The following N4BP2L2 variants were observed in gnomAD, a reference collection of about 807,000 sequenced individuals.
N4BP2L2 encodes the protein NEDD4-binding protein 2-like 2.
In N4BP2L2, 50 loss-of-function variants were observed where a neutral mutation model predicts 56.2. The observed-to-expected ratio is 0.89, with a 90% CI of 0.71 to 1.13. The LOEUF is 1.13. N4BP2L2 is among the 50% of genes most tolerant of loss of function. The pLI, the probability that N4BP2L2 is intolerant of heterozygous loss-of-function variation, is 0.00. For missense variants in N4BP2L2, 689 were observed against 693.8 expected (o/e 0.99, Z 0.08); for synonymous variants, 203 against 223.6 (o/e 0.91, Z 0.82).
exon 6 of N4BP2L2, chr13:32,510,424 A>T (rs2091600599): frequency 6.6e-6 from 1 of 152,154 alleles, no homozygotes; most frequent in African/African-American, 2.4e-5. Flanking sequence ...ATGTTCCTAA[A>T]ATATGATTAT....
intron 9 of N4BP2L2, among the ~76,000 whole-genome samples, chr13:32,433,931 C>CAAAAAA (rs60540916): frequency 7.0e-5 from 6 of 86,110 alleles, no homozygotes; most frequent in Non-Finnish European, 8.8e-5. Context: ...GACCGTGTCT[C>CAAAAAA]AAAAAAAAAA....
chr13:32,509,837 CAACTCT>C (rs1437861477), downstream of N4BP2L2, among the ~76,000 whole-genome samples: 2 of 151,990 alleles, frequency 1.3e-5, no homozygotes, highest in African/African-American at 4.8e-5. Flanking sequence ...ACAAAAACTC[CAACTCT>C]AACATTTAGA....
chr13:32,496,130 C>T (rs1362744010), intron 6 of N4BP2L2, among the ~76,000 whole-genome samples: 3 of 152,158 alleles, frequency 2.0e-5, no homozygotes, highest in Non-Finnish European at 4.4e-5. Context: ...GCAGACTGGG[C>T]CACCACACCA....
At chr13:32,446,467 A>C in intron 6 of N4BP2L2, 1 of 1,334,740 alleles carries the variant, frequency 7.5e-7, no homozygotes, top group Non-Finnish European at 9.9e-7. Context: ...GTCTTTACTC[A>C]AATGTGAACC....
At chr13:32,516,531 A>G (rs1240484778) in exon 6 of N4BP2L2, 1 of 152,212 alleles carries the variant, frequency 6.6e-6, no homozygotes, top group Non-Finnish European at 1.5e-5. Flanking sequence ...GAGAATATCT[A>G]AAGTTGAAAG....
chr13:32,517,909 C>T, exon 6 of N4BP2L2: 1 of 1,614,078 alleles, frequency 6.2e-7, no homozygotes, highest in Non-Finnish European at 8.5e-7. Flanking sequence ...TGTGATGGTT[C>T]CACTGAATTC....
chr13:32,495,948 G>T (rs1456348243), intron 6 of N4BP2L2, among the ~76,000 whole-genome samples: 1 of 152,128 alleles, frequency 6.6e-6, no homozygotes, highest in Non-Finnish European at 1.5e-5. Flanking sequence ...CTCCCAAAGT[G>T]CTGGGATTAC....
At chr13:32,472,731 C>T (rs1183108260) in intron 6 of N4BP2L2, among the ~76,000 whole-genome samples, 2 of 152,200 alleles carry the variant, frequency 1.3e-5, no homozygotes, top group South Asian at 2.1e-4. Flanking sequence ...CATCTCCTGA[C>T]TCCTAGTCTG....
In N4BP2L2 at chr13:32,443,262, C is replaced by T. The variant is rs779630327; in HGVS notation, c.1230G>A (p.Ser410=). ...TGTTTCCTGGTTCTGATGCTGCCAC[C>T]GAAGTGAAGATCATTTGAATCCATT... The change falls in exon 7 of 10, where the codon TCG becomes TCA. Residue 410 remains serine, a synonymous_variant. Coordinates refer to the N4BP2L2 transcript ENST00000357505. The T allele has an allele frequency of 3.1e-5, 50 of 1,613,806 alleles. 1 individual carries two copies. Among genetic ancestry groups the T allele is most frequent in the Middle Eastern group, 1.6e-4 (1 of 6,084 alleles).
chr13:32,536,403 C>T, exon 2 of N4BP2L2: 1 of 1,613,946 alleles, frequency 6.2e-7, no homozygotes, highest in South Asian at 1.1e-5. Flanking sequence ...TTATTATGAC[C>T]CTCATAAAAT....
At chr13:32,445,556 T>A (rs1015921441) in intron 6 of N4BP2L2, among the ~76,000 whole-genome samples, 2 of 152,210 alleles carry the variant, frequency 1.3e-5, no homozygotes, top group Non-Finnish European at 2.9e-5. Context: ...AGTCCGGTAT[T>A]TGAGTGGCAT....
At chr13:32,458,028 ATTTGT>A (rs1349766521) in intron 6 of N4BP2L2, among the ~76,000 whole-genome samples, 1 of 150,920 alleles carries the variant, frequency 6.6e-6, no homozygotes, top group African/African-American at 2.5e-5. Flanking sequence ...GGCTGTATTG[ATTTGT>A]TTTTTGTTTT....
At chr13:32,533,049 C>G (rs1175948029) in intron 2 of N4BP2L2, among the ~76,000 whole-genome samples, 1 of 152,082 alleles carries the variant, frequency 6.6e-6, no homozygotes, top group Non-Finnish European at 1.5e-5. Flanking sequence ...CTAATTTTAT[C>G]TATTTGTTCT....
chr13:32,476,039 T>C (rs1388663208), intron 6 of N4BP2L2, among the ~76,000 whole-genome samples: 1 of 152,202 alleles, frequency 6.6e-6, no homozygotes, highest in Admixed American at 6.5e-5. Context: ...TTTCCAGGAA[T>C]GTAGTAAGTA....
chr13:32,450,027 G>GT (rs2138439969), intron 6 of N4BP2L2, among the ~76,000 whole-genome samples: 1 of 152,266 alleles, frequency 6.6e-6, no homozygotes, highest in Non-Finnish European at 1.5e-5. Flanking sequence ...AGACACAGAA[G>GT]TTTAACTAGC....
At chr13:32,528,812 A>T (rs1166616050) in intron 2 of N4BP2L2, among the ~76,000 whole-genome samples, 1 of 152,218 alleles carries the variant, frequency 6.6e-6, no homozygotes, top group Non-Finnish European at 1.5e-5. Flanking sequence ...GGAAGGGTTT[A>T]AACTATTAAG....
At position 32,443,209 on chromosome 13, in the gene N4BP2L2, A is replaced by G. The variant is rs1481634461; in HGVS notation, c.1283T>C (p.Leu428Pro). 6 of 1,613,938 alleles carry G rather than the reference A, an allele frequency of 3.7e-6. No homozygotes were observed. In the East Asian group the frequency reaches 6.7e-5, roughly 18 times the overall value. Residue 428 changes from leucine to proline, a missense_variant, in exon 7 of 10, where the codon CTG becomes CCG. Physicochemically the swap from Leu to Pro is moderately conservative, Grantham distance 98. Transcript: ENST00000357505. ...AGGTGAAAAATCTTCATTTCCTATC[A>G]GTAGTTTGTCTGTCAATATTTCTGG... is the stretch of plus-strand genomic sequence containing the variant.
At chr13:32,443,647 T>C (rs879558043) in exon 7 of N4BP2L2, 1 of 1,611,496 alleles carries the variant, frequency 6.2e-7, no homozygotes, top group Admixed American at 1.7e-5. Context: ...TCTAATATGC[T>C]TTTCTACCTT....
At chr13:32,520,095 A>G (rs2050376735) in intron 5 of N4BP2L2, among the ~76,000 whole-genome samples, 1 of 152,186 alleles carries the variant, frequency 6.6e-6, no homozygotes. Flanking sequence ...AAAAGAAAGT[A>G]GCCAAAGGAA....
Sources: gnomAD v4.1 joint callset for allele counts (sites outside exome capture counted in the v4.1 genomes callset) on GRCh38, gnomAD v4.1.1 for gene constraint, MANE v1.5 for transcripts, NCBI Gene and HGNC (gene_info 2026-07-23, HGNC 2026-07-21) for gene names.